Variants in PCDHGB5 observed in about 807,000 individuals in gnomAD.
PCDHGB5 encodes protocadherin gamma subfamily B, 5.
In PCDHGB5, 48 loss-of-function variants were observed where a neutral mutation model predicts 62.9. The ratio of observed to expected loss-of-function variants is 0.76; its 90% confidence interval spans 0.61 to 0.97. PCDHGB5 has a LOEUF of 0.97. Among genes scored for constraint, PCDHGB5 ranks in the 50% least tolerant of loss-of-function variants. The pLI, the probability that PCDHGB5 is intolerant of heterozygous loss-of-function variation, is 0.00. For synonymous variants in PCDHGB5, 474 were observed against 511.2 expected, an observed-to-expected ratio of 0.93 and a Z score of 0.98; for missense variants, 1,118 against 1,198.6, an observed-to-expected ratio of 0.93 and a Z score of 0.99.
intron 1 of PCDHGB5, among the ~76,000 whole-genome samples, chr5:141,445,620 C>T (rs561235315): frequency 2.0e-5 from 3 of 151,966 alleles, no homozygotes; most frequent in African/African-American, 4.8e-5. Context: ...TTCTTTTTTT[C>T]GGAAAGTGAT....
chr5:141,430,715 A>G (rs1210053402), intron 1 of PCDHGB5: 3 of 1,483,264 alleles, frequency 2.0e-6, no homozygotes, highest in East Asian at 4.7e-5. Context: ...TCCTGACTTC[A>G]GTGGTTAAGG....
In PCDHGB5 at chr5:141,476,316, G is replaced by A. The variant is rs536532455; in HGVS notation, c.2398-18491G>A. On this transcript the variant is annotated intron_variant, in intron 1 of 3. Coordinates refer to ENST00000617380, the MANE Select transcript of PCDHGB5 (RefSeq NM_018925.3). This position sits in a 1 kb window ranked among gnomAD's most constrained non-coding sequence, Gnocchi z 7.6. ...GGTAGCCTCTCAGCCCGCAGGTTCC[G>A]GGTGGTGTCTGGAGCTAGCCGAAGA... is the stretch of plus-strand genomic sequence containing the variant. The A allele has an allele frequency of 6.2e-7, 1 of 1,614,176 alleles. No individual in the cohort carries two copies. The highest frequency in any genetic ancestry group is 1.7e-5 in the Admixed American group (1 of 60,028).
In PCDHGB5 at chr5:141,487,365, G is replaced by A. The variant is rs1466536791; in HGVS notation, c.2398-7442G>A. On this transcript the variant is annotated intron_variant, in intron 1 of 3. Coordinates refer to ENST00000617380, the MANE Select transcript of PCDHGB5 (RefSeq NM_018925.3). This position sits in a 1 kb window ranked among gnomAD's most constrained non-coding sequence, Gnocchi z 5.0. ...GTCACATGCTTTCCTGCTGGCACCT[G>A]TGCCTGTCTCACCAGATCTCGAAGG... The A allele has an allele frequency of 1.2e-6, 2 of 1,614,068 alleles. No homozygotes were observed. Among genetic ancestry groups the A allele is most frequent in the South Asian group, 1.1e-5 (1 of 91,088 alleles).
chr5:141,477,315 C>G lies in PCDHGB5; in HGVS notation c.2398-17492C>G. 2 of 1,614,188 alleles carry G rather than the reference C, an allele frequency of 1.2e-6. No individual in the cohort carries two copies. Among genetic ancestry groups the G allele is most frequent in the African/African-American group, 2.7e-5 (2 of 75,042 alleles). On this transcript the variant is annotated intron_variant, in intron 1 of 3. Coordinates refer to ENST00000617380, the MANE Select transcript of PCDHGB5 (RefSeq NM_018925.3). The surrounding 1 kb of genome is among the most constrained non-coding windows in gnomAD (Gnocchi z 4.9). ...CCACCGGGTCTCCCTTTCAGCCTTA[C>G]TTCTTCCCTCAAGAATTACTTCACT...
intron 1 of PCDHGB5, chr5:141,423,618 C>CT (rs1300844043): frequency 1.9e-6 from 3 of 1,608,282 alleles, no homozygotes; most frequent in Admixed American, 1.7e-5. Flanking sequence ...TAGCTGAAGA[C>CT]TCAGCTATCA....
At chr5:141,427,814 G>T in intron 1 of PCDHGB5, 2 of 1,526,562 alleles carry the variant, frequency 1.3e-6, no homozygotes, top group South Asian at 2.2e-5. Context: ...CACAGAGCGG[G>T]GTGGTGGTCG....
chr5:141,454,232 G>T (rs2098784520), intron 1 of PCDHGB5, among the ~76,000 whole-genome samples: 1 of 152,146 alleles, frequency 6.6e-6, no homozygotes, highest in African/African-American at 2.4e-5. Context: ...TAATTGTGAT[G>T]AAAAGGATGA....
Position 141,485,011 on chromosome 5 carries a change from C to G in PCDHGB5, c.2398-9796C>G, listed in dbSNP as rs2099605048. 3.2e-6 allele frequency: 2 copies of G among 631,064 alleles called. No homozygotes were observed. The highest frequency in any genetic ancestry group is 5.5e-5 in the East Asian group (2 of 36,662). The allele number at this position is 631,064 out of a possible 1,614,324, so 39.1% of individuals were successfully genotyped here. A position where few individuals can be genotyped will look rare whatever the true frequency, so the allele number is the denominator to read the frequency against. Reference sequence around the variant, plus strand: ...TGGTGAAAGGCAGACAAATCTACCCCGCCACCAGCAAAAACGGCGCGTAAC... The same window carrying G: ...TGGTGAAAGGCAGACAAATCTACCCGGCCACCAGCAAAAACGGCGCGTAAC... On this transcript the variant is annotated intron_variant, in intron 1 of 3. Coordinates refer to ENST00000617380, the MANE Select transcript of PCDHGB5 (RefSeq NM_018925.3). This position sits in a 1 kb window ranked among gnomAD's most constrained non-coding sequence, Gnocchi z 5.7.
At chr5:141,416,245 C>T (rs1029299377) in intron 1 of PCDHGB5, 1 of 152,234 alleles carries the variant, frequency 6.6e-6, no homozygotes, top group Non-Finnish European at 1.5e-5. Flanking sequence ...CTATTTATAA[C>T]TGATAACACT....
intron 1 of PCDHGB5, chr5:141,478,613 G>T: frequency 6.4e-7 from 1 of 1,557,312 alleles, no homozygotes; most frequent in African/African-American, 1.4e-5. Flanking sequence ...ATTGAGGAAG[G>T]AATGGAGCTG....
At chr5:141,435,728 A>T (rs549219746) in intron 1 of PCDHGB5, among the ~76,000 whole-genome samples, 1 of 152,200 alleles carries the variant, frequency 6.6e-6, no homozygotes, top group Non-Finnish European at 1.5e-5. Flanking sequence ...GCTAAAGTGT[A>T]TTACTCTTTG....
chr5:141,500,883 T>G (rs1250275850), intron 2 of PCDHGB5, among the ~76,000 whole-genome samples: 2 of 97,532 alleles, frequency 2.1e-5, no homozygotes, highest in African/African-American at 1.2e-4. Context: ...TACAATTTTT[T>G]TTTTTTGAGA....
Position 141,486,998 on chromosome 5 carries a change from C to T in PCDHGB5, c.2398-7809C>T. 1.2e-6 allele frequency: 2 copies of T among 1,614,206 alleles called. No individual in the cohort carries two copies. Among genetic ancestry groups the T allele is most frequent in the Non-Finnish European group, 1.7e-6 (2 of 1,180,034 alleles). On this transcript the variant is annotated intron_variant, in intron 1 of 3. Transcript: ENST00000617380. The surrounding 1 kb of genome is among the most constrained non-coding windows in gnomAD (Gnocchi z 5.0). The stretch of plus-strand genomic sequence containing the variant: ...AGGTTACAATGCTTGGGTTTCCTAT[C>T]AGCTCCTGGAGGCCCCAGATCCCAG...
At position 141,476,458 on chromosome 5, in the gene PCDHGB5, C is replaced by A. The variant is rs368153419; in HGVS notation, c.2398-18349C>A. Reference sequence around the variant, plus strand: ...TAACTCTGGAGTTGGTAGTGGAGAACCCGCTGGAGCTGTTCAGCGTGGAAG... The same window carrying A: ...TAACTCTGGAGTTGGTAGTGGAGAAACCGCTGGAGCTGTTCAGCGTGGAAG... On this transcript the variant is annotated intron_variant, in intron 1 of 3. Transcript: ENST00000617380. This position sits in a 1 kb window ranked among gnomAD's most constrained non-coding sequence, Gnocchi z 7.6. 1 of 1,613,928 alleles carries A rather than the reference C, an allele frequency of 6.2e-7. No individual in the cohort carries two copies. Among genetic ancestry groups the A allele is most frequent in the Non-Finnish European group, 8.5e-7 (1 of 1,180,022 alleles).
At chr5:141,499,908 G>T (rs903753761) in intron 2 of PCDHGB5, among the ~76,000 whole-genome samples, 1 of 151,980 alleles carries the variant, frequency 6.6e-6, no homozygotes, top group African/African-American at 2.4e-5. Flanking sequence ...GGCTGGTCTT[G>T]AACTCCTGGC....
At chr5:141,433,481 G>C (rs2097613311) in intron 1 of PCDHGB5, among the ~76,000 whole-genome samples, 1 of 152,046 alleles carries the variant, frequency 6.6e-6, no homozygotes, top group African/African-American at 2.4e-5. Flanking sequence ...CTAGCCTCCT[G>C]CTTCTCCCTC....
In PCDHGB5 at chr5:141,490,267, G is replaced by A. The variant is rs765238578; in HGVS notation, c.2398-4540G>A. ...TGTGATTCAAGTGGATGTGGGGGAT[G>A]TCAATGACAATGCCCCAGAGGTGCT... On this transcript the variant is annotated intron_variant, in intron 1 of 3. Transcript: ENST00000617380. The surrounding 1 kb of genome is among the most constrained non-coding windows in gnomAD (Gnocchi z 5.4). The A allele has an allele frequency of 6.2e-7, 1 of 1,614,242 alleles. No homozygotes were observed. The highest frequency in any genetic ancestry group is 1.1e-5 in the South Asian group (1 of 91,084).
At position 141,487,603 on chromosome 5, in the gene PCDHGB5, C is replaced by T; in HGVS notation, c.2398-7204C>T. The stretch of plus-strand genomic sequence containing the variant: ...CAAGCTGCCCACCCTCTGATCTTCT[C>T]TATGGGCTAGAGGTGAGACCTTTGC... On this transcript the variant is annotated intron_variant, in intron 1 of 3. Transcript: ENST00000617380. This position sits in a 1 kb window ranked among gnomAD's most constrained non-coding sequence, Gnocchi z 5.0. 1.2e-6 allele frequency: 2 copies of T among 1,614,214 alleles called. No individual in the cohort carries two copies. Among genetic ancestry groups the T allele is most frequent in the Non-Finnish European group, 1.7e-6 (2 of 1,180,042 alleles).
In PCDHGB5 at chr5:141,485,115, G is replaced by T. The variant is rs1043877839; in HGVS notation, c.2398-9692G>T. On this transcript the variant is annotated intron_variant, in intron 1 of 3. Transcript: ENST00000617380. This position sits in a 1 kb window ranked among gnomAD's most constrained non-coding sequence, Gnocchi z 5.7. ...GTGTCTCCAGCTGCTGTGGCTGTTT[G>T]GGGCGGGTCGGCTTCATCCGCGTCT... The T allele has an allele frequency of 3.8e-6, 5 of 1,300,464 alleles. No homozygotes were observed. The African/African-American group carries it at 5.8e-5, about 15-fold the overall frequency. The allele number at this position is 1,300,464 out of a possible 1,614,324, so 80.6% of individuals were successfully genotyped here.
Sources: gnomAD v4.1 joint callset for allele counts (sites outside exome capture counted in the v4.1 genomes callset) on GRCh38, gnomAD v4.1.1 for gene constraint, Gnocchi (gnomAD v3.1) non-coding constraint, MANE v1.5 for transcripts, NCBI Gene and HGNC (gene_info 2026-07-23, HGNC 2026-07-21) for gene names.